PLEKHO1: variants seen among roughly 807,000 people sequenced by gnomAD.
PLEKHO1 encodes pleckstrin homology domain-containing family O member 1.
PLEKHO1 carries 22 observed loss-of-function variants against 41.4 expected under a neutral mutation model. That is an observed-to-expected ratio of 0.53 (90% CI 0.38 to 0.76). The LOEUF is 0.76. Ranked by LOEUF, PLEKHO1 falls within the 30% of genes least tolerant of loss-of-function variation. PLEKHO1 has a pLI of 0.00. For missense variants in PLEKHO1, 488 were observed against 518.3 expected (o/e 0.94, Z 0.57); for synonymous variants, 225 against 210.8 (o/e 1.07, Z -0.58).
chr1:150,158,955 G>A lies in PLEKHO1; in HGVS notation c.662G>A (p.Ser221Asn). 1.9e-6 allele frequency: 3 copies of A among 1,614,170 alleles called. No individual in the cohort carries two copies. The highest frequency in any genetic ancestry group is 2.2e-5 in the East Asian group (1 of 44,876). The change falls in exon 6 of 6, where the codon AGC becomes AAC. Residue 221 changes from serine to asparagine, a missense_variant. By Grantham distance (46) the Ser-to-Asn change is conservative. Coordinates refer to ENST00000369124, the MANE Select transcript of PLEKHO1 (RefSeq NM_016274.6). ...LDKSVAQLAG[S>N]RRRADSDRIQ... ...AAGTCTGTGGCCCAGCTGGCAGGGA[G>A]CCGGCGGAGAGCGGACTCAGACCGC...
chr1:150,157,450 C>G lies in PLEKHO1; in HGVS notation c.489C>G (p.Ser163=). 2.5e-6 allele frequency: 4 copies of G among 1,613,848 alleles called. No homozygotes were observed. The highest frequency in any genetic ancestry group is 3.4e-6 in the Non-Finnish European group (4 of 1,179,778). ...GAGACAGGGCAAAAATCCAGCACTC[C>G]CGCCGCCCCCCAACAAGGGGACACC... ...PTRDRAKIQH[S]RRPPTRGHLM... The change falls in exon 5 of 6, where the codon TCC becomes TCG. Residue 163 remains serine (S), a synonymous_variant. Transcript: ENST00000369124.
intron 2 of PLEKHO1, chr1:150,155,090 G>C (rs188176858): frequency 6.6e-6 from 1 of 152,258 alleles, no homozygotes; most frequent in African/African-American, 2.4e-5. Flanking sequence ...CTAGGAATGC[G>C]GCCTCGATGA....
intron 2 of PLEKHO1, 175 bp from the exon 3 acceptor site, chr1:150,155,891 T>C (rs587670593): frequency 1.1e-5 from 7 of 630,094 alleles, no homozygotes; most frequent in African/African-American, 9.1e-5. Flanking sequence ...GGAGCTGCCC[T>C]AGCGTCCTCC....
rs1659894348 is a variant in PLEKHO1, at chr1:150,150,925, G to A, written c.44G>A (p.Gly15Glu). Reference sequence around the variant, plus strand: ...GTCCTGGGGCAGGGACCTCAGGATGGAAACCAGCAGCCTGCACCGCCCGAG... The same window carrying A: ...GTCCTGGGGCAGGGACCTCAGGATGAAAACCAGCAGCCTGCACCGCCCGAG... ...NNSAKRGPQDGNQQPAPPEKV... is the reference protein window; with the variant it reads ...NNSAKRGPQDENQQPAPPEKV... The change falls in exon 2 of 6, where the codon GGA (glycine) becomes GAA (glutamate). Residue 15 changes from glycine (G) to glutamate (E), a missense_variant. Physicochemically the swap from Gly to Glu is moderately conservative, Grantham distance 98 (BLOSUM62 -2). Coordinates refer to ENST00000369124, the MANE Select transcript of PLEKHO1 (RefSeq NM_016274.6). 6.2e-7 allele frequency: 1 copy of A among 1,614,078 alleles called. No homozygotes were observed. The highest frequency in any genetic ancestry group is 8.5e-7 in the Non-Finnish European group (1 of 1,179,910).
At chr1:150,149,914 C>A (rs1323602903), upstream of PLEKHO1, 5 of 151,282 alleles carry the variant, frequency 3.3e-5, no homozygotes, top group African/African-American at 2.4e-5. Flanking sequence ...ACTGGGCCGC[C>A]CACAGCGCAC....
chr1:150,156,128 G>A lies in PLEKHO1; in HGVS notation c.240G>A (p.Glu80=), dbSNP rs1553820360. ...FDLSDYEKCE[E]LRKSKSRSKK... is the part of the protein sequence containing the mutation. ...TGAGTGACTATGAGAAGTGTGAAGA[G>A]CTCCGGAAGTCCAAGAGCAGGAGCA... is the stretch of plus-strand genomic sequence containing the variant. The change falls in exon 3 of 6, where the codon GAG becomes GAA. Residue 80 remains glutamate (E), a synonymous_variant. Coordinates refer to ENST00000369124, the MANE Select transcript of PLEKHO1 (RefSeq NM_016274.6). The A allele has an allele frequency of 6.2e-7, 1 of 1,613,446 alleles. No homozygotes were observed. The highest frequency in any genetic ancestry group is 8.5e-7 in the Non-Finnish European group (1 of 1,179,406).
At chr1:150,156,007 G>A (rs1660152717) in intron 2 of PLEKHO1, 59 bp from the exon 3 acceptor site, 1 of 1,492,896 alleles carries the variant, frequency 6.7e-7, no homozygotes, top group African/African-American at 1.4e-5. Context: ...TAAACTAACA[G>A]TCTGGGTGGA....
intron 2 of PLEKHO1, chr1:150,155,319 C>CT (rs1382711261): frequency 5.9e-5 from 9 of 152,016 alleles, no homozygotes; most frequent in African/African-American, 1.5e-4. Context: ...CAGGGAGAGT[C>CT]TAAGTGCATT....
chr1:150,153,311 C>T (rs922063501), intron 2 of PLEKHO1, among the ~76,000 whole-genome samples: 2 of 152,090 alleles, frequency 1.3e-5, no homozygotes, highest in Non-Finnish European at 2.9e-5. Flanking sequence ...CCTCAGCCTC[C>T]GGAGTAGCTG....
At chr1:150,150,787 C>T in intron 1 of PLEKHO1, 125 bp from the exon 2 acceptor site, 2 of 826,778 alleles carry the variant, frequency 2.4e-6, no homozygotes, top group Non-Finnish European at 3.8e-6. Flanking sequence ...CTGGGGCGGC[C>T]CCCCGCCCCC....
chr1:150,157,181 A>C (rs1660207751), intron 4 of PLEKHO1, 166 bp downstream of exon 4: 2 of 696,946 alleles, frequency 2.9e-6, no homozygotes, highest in African/African-American at 3.6e-5. Context: ...CTTCTCTCCA[A>C]GTCTCATCTG....
chr1:150,159,330 C>T lies in PLEKHO1; in HGVS notation c.1037C>T (p.Ser346Phe). Residue 346 changes from serine to phenylalanine, a missense_variant, in exon 6 of 6, where the codon TCT becomes TTT. By Grantham distance (155) the Ser-to-Phe change is radical. Transcript: ENST00000369124. ...AKDPPRSPPD[S>F]ESEQLLLETE... ...GACCCCCCTCGGTCTCCGCCGGATT[C>T]TGAGTCAGAGCAGCTGCTGCTGGAG... is the stretch of plus-strand genomic sequence containing the variant. The T allele has an allele frequency of 1.2e-6, 2 of 1,614,214 alleles. No homozygotes were observed. Among genetic ancestry groups the T allele is most frequent in the East Asian group, 2.2e-5 (1 of 44,882 alleles).
chr1:150,150,247 G>T lies in PLEKHO1; in HGVS notation c.-11G>T, dbSNP rs782738833. 1 of 1,088,020 alleles carries T rather than the reference G, an allele frequency of 9.2e-7. No individual in the cohort carries two copies. Among genetic ancestry groups the T allele is most frequent in the Non-Finnish European group, 1.1e-6 (1 of 891,278 alleles). The allele number at this position is 1,088,020 out of a possible 1,614,324, so 67.4% of individuals were successfully genotyped here. A position where few individuals can be genotyped will look rare whatever the true frequency, so the allele number is the denominator to read the frequency against. On this transcript the variant is annotated 5_prime_UTR_variant, in exon 1 of 6. Transcript: ENST00000369124. Reference sequence around the variant, plus strand: ...CCTCGGCTCGCCGCCCCGCGCCCGCGCCCGCTGGGAATGATGAAGAAGAAC... The same window carrying T: ...CCTCGGCTCGCCGCCCCGCGCCCGCTCCCGCTGGGAATGATGAAGAAGAAC...
rs1290497378 is a variant in PLEKHO1 at position 150,159,172 on chromosome 1, A to G, written c.879A>G (p.Glu293=). The part of the protein sequence containing the change: ...SARTLQLRAE[E]PPTPALPNPG... ...GCACCCTCCAGCTGCGGGCTGAGGA[A>G]CCCCCAACCCCTGCCCTCCCCAACC... Residue 293 remains glutamate, a synonymous_variant, in exon 6 of 6, where the codon GAA becomes GAG. Transcript: ENST00000369124. The G allele has an allele frequency of 1.9e-6, 3 of 1,610,734 alleles. No homozygotes were observed. The highest frequency in any genetic ancestry group is 2.7e-5 in the African/African-American group (2 of 74,480).
At chr1:150,151,145 C>T (rs587703059) in intron 2 of PLEKHO1, 87 bp downstream of exon 2, 2 of 1,486,176 alleles carry the variant, frequency 1.3e-6, no homozygotes, top group East Asian at 2.3e-5. Context: ...ACTCCACCCC[C>T]GTTTTGTTCC....
chr1:150,156,762 C>T, intron 3 of PLEKHO1, 149 bp from the exon 4 acceptor site: 2 of 603,034 alleles, frequency 3.3e-6, no homozygotes, highest in South Asian at 3.8e-5. Context: ...GCTGGGTTTC[C>T]TTAAGTTATG....
Position 150,150,240 on chromosome 1 carries a change from C to A in PLEKHO1, c.-18C>A. The A allele has an allele frequency of 9.3e-7, 1 of 1,071,356 alleles. No individual in the cohort carries two copies. The highest frequency in any genetic ancestry group is 3.1e-5 in the South Asian group (1 of 32,248). 66.4% of individuals were successfully genotyped at this position (1,071,356 alleles called of 1,614,324 possible). A position where few individuals can be genotyped will look rare whatever the true frequency, so the allele number is the denominator to read the frequency against. On this transcript the variant is annotated 5_prime_UTR_variant, in exon 1 of 6. Coordinates refer to ENST00000369124, the MANE Select transcript of PLEKHO1 (RefSeq NM_016274.6). ...GGCCGCCCCTCGGCTCGCCGCCCCG[C>A]GCCCGCGCCCGCTGGGAATGATGAA...
At position 150,150,306 on chromosome 1, in the gene PLEKHO1, C is replaced by A; in HGVS notation, c.30+19C>A. 1 of 1,071,364 alleles carries A rather than the reference C, an allele frequency of 9.3e-7. No homozygotes were observed. Among genetic ancestry groups the A allele is most frequent in the Non-Finnish European group, 1.1e-6 (1 of 879,232 alleles). 66.4% of individuals were successfully genotyped at this position (1,071,364 alleles called of 1,614,324 possible). A position where few individuals can be genotyped will look rare whatever the true frequency, so the allele number is the denominator to read the frequency against. On this transcript the variant is annotated intron_variant, in intron 1 of 5. Transcript: ENST00000369124. ...CAAGCGGGTGAGTGCGCTTGCCCGC[C>A]CTGCGGCCGCCGCCGCCTCCGCGCT...
Position 150,159,731 on chromosome 1 carries a change from C to A in PLEKHO1, c.*208C>A. On this transcript the variant is annotated 3_prime_UTR_variant, in exon 6 of 6. Coordinates refer to ENST00000369124, the MANE Select transcript of PLEKHO1 (RefSeq NM_016274.6). ...CCCCTCAGGTTTGAGGAAGTGACCC[C>A]GCAGCAGTAGCAGGAAGTTTTTACC... 2 of 481,448 alleles carry A rather than the reference C, an allele frequency of 4.2e-6. No individual in the cohort carries two copies. Among genetic ancestry groups the A allele is most frequent in the African/African-American group, 1.9e-5 (1 of 52,340 alleles). 29.8% of individuals were successfully genotyped at this position (481,448 alleles called of 1,614,324 possible). A position where few individuals can be genotyped will look rare whatever the true frequency, so the allele number is the denominator to read the frequency against.
Sources: allele counts gnomAD v4.1 joint callset (sites outside exome capture counted in the v4.1 genomes callset), GRCh38; gene constraint gnomAD v4.1.1; transcripts MANE v1.5; gene names NCBI Gene and HGNC (gene_info 2026-07-23, HGNC 2026-07-21).